The following PRKD1 variants were observed in gnomAD, a reference collection of about 807,000 sequenced individuals.
PRKD1 encodes the protein serine/threonine-protein kinase D1.
Under a neutral mutation model 95.9 loss-of-function variants are expected in PRKD1, and 63 were observed. The ratio of observed to expected loss-of-function variants is 0.66; its 90% CI spans 0.54 to 0.81. The LOEUF is 0.81. Ranked by LOEUF, PRKD1 falls within the 30% of genes least tolerant of loss-of-function variation. The pLI is 0.00. For synonymous variants in PRKD1, 425 were observed against 423.1 expected (o/e 1.00, Z -0.05); for missense variants, 1,048 against 1,165.3 (o/e 0.90, Z 1.47).
At chr14:29,869,638 T>C (rs1305598024) in intron 1 of PRKD1, among the ~76,000 whole-genome samples, 4 of 152,152 alleles carry the variant, frequency 2.6e-5, no homozygotes, top group Admixed American at 6.5e-5. Flanking sequence ...AGTATAAATA[T>C]ATTTAAAAAT....
intron 15 of PRKD1, among the ~76,000 whole-genome samples, chr14:29,598,263 T>A (rs1893383537): frequency 6.8e-6 from 1 of 146,274 alleles, no homozygotes; most frequent in Non-Finnish European, 1.5e-5. Flanking sequence ...GGCAACAGAG[T>A]GCTCTGTCTA....
At chr14:29,686,142 T>C (rs1883853356) in intron 2 of PRKD1, among the ~76,000 whole-genome samples, 1 of 152,234 alleles carries the variant, frequency 6.6e-6, no homozygotes, top group Non-Finnish European at 1.5e-5. Context: ...CCTGTCCCAC[T>C]GATAGCTTGA....
intron 16 of PRKD1, among the ~76,000 whole-genome samples, chr14:29,594,568 T>C (rs1885536): frequency 0.23 from 34,745 of 152,052 alleles, 4,097 homozygotes; most frequent in South Asian, 0.27. Context: ...TGATGACTCC[T>C]CGGAATGGCA....
intron 1 of PRKD1, among the ~76,000 whole-genome samples, chr14:29,875,441 T>C (rs984447326): frequency 4.6e-5 from 7 of 152,212 alleles, no homozygotes; most frequent in Non-Finnish European, 8.8e-5. Flanking sequence ...TATAAACACA[T>C]GAAAACAGGT....
chr14:29,606,483 A>C (rs1272704495), intron 13 of PRKD1, among the ~76,000 whole-genome samples: 2 of 152,124 alleles, frequency 1.3e-5, no homozygotes, highest in African/African-American at 2.4e-5. Flanking sequence ...TGTTTTTGTA[A>C]AGATTTCAAC....
chr14:29,920,011 AGGAG>A (rs1566672148), intron 1 of PRKD1, among the ~76,000 whole-genome samples: 1 of 121,558 alleles, frequency 8.2e-6, no homozygotes, highest in African/African-American at 3.1e-5. Context: ...GTAGGAAGGA[AGGAG>A]GGAAGGAAGG....
rs529445580 is a variant in PRKD1, at chr14:29,685,326, A to G, written c.404-19118T>C. On this transcript the variant is annotated intron_variant, in intron 2 of 17. Transcript: ENST00000331968. ...TATGTTATTCCAAATGTATTTGAGA[A>G]AGTGAATGCCAAACTAAATGCATTT... 5.9e-5 allele frequency among the ~76,000 whole-genome samples: 9 copies of G among 152,338 alleles called. No individual in the cohort carries two copies. The South Asian group carries it at 1.9e-3, about 32-fold the overall frequency.
intron 1 of PRKD1, among the ~76,000 whole-genome samples, chr14:29,848,190 A>C (rs1393583879): frequency 1.3e-5 from 2 of 152,150 alleles, no homozygotes; most frequent in African/African-American, 4.8e-5. Flanking sequence ...AAGATGGGCA[A>C]AAAGGACACT....
intron 11 of PRKD1, 50 bp from the exon 12 acceptor site, chr14:29,626,606 T>G: frequency 8.3e-7 from 1 of 1,201,080 alleles, no homozygotes; most frequent in Non-Finnish European, 1.2e-6. Context: ...AACAAAACAT[T>G]AGTCCTAAAA....
intron 1 of PRKD1, among the ~76,000 whole-genome samples, chr14:29,800,450 C>T (rs1335538106): frequency 6.6e-6 from 1 of 152,098 alleles, no homozygotes; most frequent in African/African-American, 2.4e-5. Context: ...CTCTGATTTG[C>T]AATTGACAAA....
intron 1 of PRKD1, among the ~76,000 whole-genome samples, chr14:29,821,640 C>T (rs1334526861): frequency 6.6e-6 from 1 of 152,160 alleles, no homozygotes; most frequent in Non-Finnish European, 1.5e-5. Context: ...TATAGACATT[C>T]AGGGCTTATA....
chr14:29,874,453 C>T (rs1200736888), intron 1 of PRKD1, among the ~76,000 whole-genome samples: 2 of 152,040 alleles, frequency 1.3e-5, no homozygotes, highest in Non-Finnish European at 2.9e-5. Flanking sequence ...TCATATGATC[C>T]AGCAATCCCA....
intron 10 of PRKD1, among the ~76,000 whole-genome samples, chr14:29,629,681 C>T (rs1272334814): frequency 2.0e-5 from 3 of 151,922 alleles, no homozygotes; most frequent in Non-Finnish European, 4.4e-5. Flanking sequence ...AGAAATATTC[C>T]TCTAAAATTT....
rs1887924850 is a variant in PRKD1, at chr14:29,760,444, C to G, written c.265-34770G>C. ...GATCTGGGCTCACTGCAACCTCCGC[C>G]TCCTGGGTACAAGCGATTCTCCCGC... On this transcript the variant is annotated intron_variant, in intron 1 of 17. Coordinates refer to ENST00000331968, the MANE Select transcript of PRKD1 (RefSeq NM_002742.3). 1.3e-5 allele frequency among the ~76,000 whole-genome samples: 2 copies of G among 151,238 alleles called. 1 individual carries two copies. Among genetic ancestry groups the G allele is most frequent in the South Asian group, 4.2e-4 (2 of 4,788 alleles).
chr14:29,678,655 A>G (rs1380429476), intron 2 of PRKD1, among the ~76,000 whole-genome samples: 2 of 152,194 alleles, frequency 1.3e-5, no homozygotes, highest in Non-Finnish European at 1.5e-5. Flanking sequence ...GTGTGTGCAC[A>G]TATTAGGGCA....
chr14:29,809,423 T>G (rs1890385760), intron 1 of PRKD1, among the ~76,000 whole-genome samples: 2 of 152,244 alleles, frequency 1.3e-5, no homozygotes, highest in South Asian at 4.1e-4. Context: ...ATGCTTCTTC[T>G]TCCGATAGAA....
chr14:29,710,362 G>C (rs1885281240), intron 2 of PRKD1, among the ~76,000 whole-genome samples: 1 of 152,124 alleles, frequency 6.6e-6, no homozygotes. Context: ...ATGTCATGTG[G>C]ATATCATGTA....
In PRKD1 at chr14:29,898,919, G is replaced by A. The variant is rs114636710; in HGVS notation, c.264+28330C>T. On this transcript the variant is annotated intron_variant, in intron 1 of 17. Coordinates refer to ENST00000331968, the MANE Select transcript of PRKD1 (RefSeq NM_002742.3). ...ATGCTATTTTAGAATACAGAAGGCA[G>A]AGAATTTCTCTATGGGCTGGCAAAT... Among the ~76,000 whole-genome samples, 769 of 152,308 alleles carry A rather than the reference G, an allele frequency of 5.0e-3. 9 individuals are homozygous for A. Among genetic ancestry groups the A allele is most frequent in the African/African-American group, 0.018 (735 of 41,566 alleles).
intron 1 of PRKD1, among the ~76,000 whole-genome samples, chr14:29,785,862 AG>A (rs1889251732): frequency 6.8e-6 from 1 of 147,226 alleles, no homozygotes; most frequent in Non-Finnish European, 1.5e-5. Flanking sequence ...AATAAATAAA[AG>A]TTTGGTGGGG....
Sources: allele counts gnomAD v4.1 joint callset (sites outside exome capture counted in the v4.1 genomes callset), GRCh38; gene constraint gnomAD v4.1.1; transcripts MANE v1.5; gene names NCBI Gene and HGNC (gene_info 2026-07-23, HGNC 2026-07-21).